The following FAF1 variants were observed in gnomAD, a reference collection of about 807,000 sequenced individuals.
FAF1 encodes the protein Fas associated factor 1.
Under a neutral mutation model 92.5 loss-of-function variants are expected in FAF1, and 25 were observed. The observed-to-expected ratio is 0.27, with a 90% CI of 0.20 to 0.38. The LOEUF is 0.38. Ranked by LOEUF, FAF1 falls within the 10% of genes least tolerant of loss-of-function variation. The pLI is 1.00. For missense variants in FAF1, 636 were observed against 793.3 expected, an observed-to-expected ratio of 0.80 and a Z score of 2.38; for synonymous variants, 234 against 273.2, an observed-to-expected ratio of 0.86 and a Z score of 1.42.
At chr1:50,816,468 T>C (rs1643977396) in intron 2 of FAF1, among the ~76,000 whole-genome samples, 1 of 152,166 alleles carries the variant, frequency 6.6e-6, no homozygotes. Context: ...CCTCCCAAAG[T>C]GCTGGGATTA....
At chr1:50,921,046 A>G (rs1644958905) in intron 1 of FAF1, among the ~76,000 whole-genome samples, 1 of 152,238 alleles carries the variant, frequency 6.6e-6, no homozygotes, top group African/African-American at 2.4e-5. Flanking sequence ...AAAAACCTCT[A>G]GAAGAAATAA....
At chr1:50,568,144 C>T (rs1034606427) in intron 12 of FAF1, among the ~76,000 whole-genome samples, 2 of 152,082 alleles carry the variant, frequency 1.3e-5, no homozygotes, top group African/African-American at 2.4e-5. Context: ...TGACTAACTT[C>T]TTGGTACTAC....
rs1297369412 is a variant in FAF1, at chr1:50,950,012, A to AT, written c.45+9754dup. On this transcript the variant is annotated intron_variant, in intron 1 of 18. Transcript: ENST00000396153. The stretch of plus-strand genomic sequence containing the variant: ...CAGCTAATTTAAAAAAAAAAAATTT[A>AT]TTTTTTTTTGTAGAGACACGATCTT... Among the ~76,000 whole-genome samples, 35 of 151,222 alleles carry AT rather than the reference A, an allele frequency of 2.3e-4. 1 individual carries two copies. The East Asian group carries it at 5.2e-3, about 23-fold the overall frequency.
chr1:50,570,015 T>C (rs1178481250), intron 12 of FAF1, among the ~76,000 whole-genome samples: 1 of 152,176 alleles, frequency 6.6e-6, no homozygotes, highest in Non-Finnish European at 1.5e-5. Context: ...GGATCAACCA[T>C]TCTGCATTTC....
At position 50,583,579 on chromosome 1, in the gene FAF1, T is replaced by C; in HGVS notation, c.1031+73A>G. The C allele has an allele frequency of 2.2e-6, 2 of 911,344 alleles. No homozygotes were observed. Among genetic ancestry groups the C allele is most frequent in the South Asian group, 2.1e-5 (1 of 48,108 alleles). 56.5% of individuals were successfully genotyped at this position (911,344 alleles called of 1,614,324 possible). ...AGGAGAAACTTTAAACAATCTATAATTAAAATTGCCCAAGAAAAATCACAG... is the reference window on the plus strand; with the variant it reads ...AGGAGAAACTTTAAACAATCTATAACTAAAATTGCCCAAGAAAAATCACAG... On this transcript the variant is annotated intron_variant, in intron 11 of 18. Transcript: ENST00000396153. This position sits in a 1 kb window ranked among gnomAD's most constrained non-coding sequence, Gnocchi z 4.2.
At position 50,490,879 on chromosome 1, in the gene FAF1, T is replaced by C. The variant is rs375538850; in HGVS notation, c.1576-214A>G. On this transcript the variant is annotated intron_variant, in intron 16 of 18. Coordinates refer to ENST00000396153, the MANE Select transcript of FAF1 (RefSeq NM_007051.3). ...GCAAAAACAAAGCATAGGTCTCTGA[T>C]AATGTTAGGTTCCTATTCAAATACC... 5.9e-5 allele frequency among the ~76,000 whole-genome samples: 9 copies of C among 152,332 alleles called. No homozygotes were observed. The East Asian group carries it at 1.5e-3, about 26-fold the overall frequency.
intron 1 of FAF1, among the ~76,000 whole-genome samples, chr1:50,890,116 G>C (rs755047604): frequency 1.3e-5 from 2 of 152,140 alleles, no homozygotes; most frequent in Non-Finnish European, 2.9e-5. Context: ...TTACTACTAT[G>C]TAATGGCCCT....
intron 9 of FAF1, among the ~76,000 whole-genome samples, chr1:50,586,415 G>A (rs1176413559): frequency 6.6e-6 from 1 of 152,074 alleles, no homozygotes; most frequent in African/African-American, 2.4e-5. Context: ...AAGTCAAGAT[G>A]TTTCTCATTT....
At chr1:50,614,839 C>CAAA (rs1295301237) in intron 8 of FAF1, among the ~76,000 whole-genome samples, 5 of 46,788 alleles carry the variant, frequency 1.1e-4, no homozygotes, top group African/African-American at 2.3e-4. Context: ...AACTCCGTCT[C>CAAA]AAAAAAAAAA....
chr1:50,582,225 C>A (rs1376709533), intron 12 of FAF1, among the ~76,000 whole-genome samples: 2 of 152,094 alleles, frequency 1.3e-5, no homozygotes, highest in Non-Finnish European at 2.9e-5. Flanking sequence ...AGCACATCCA[C>A]CTTTTTTCCC....
chr1:50,785,343 C>G (rs1661323924), intron 4 of FAF1, among the ~76,000 whole-genome samples: 1 of 151,618 alleles, frequency 6.6e-6, no homozygotes, highest in Non-Finnish European at 1.5e-5. Flanking sequence ...AAAAAGGCAA[C>G]CTACAGAATG....
intron 4 of FAF1, among the ~76,000 whole-genome samples, chr1:50,745,920 A>G (rs1048643039): frequency 6.6e-6 from 1 of 152,062 alleles, no homozygotes; most frequent in Non-Finnish European, 1.5e-5. Context: ...GATGAGGGAA[A>G]ATTAGGAACT....
chr1:50,585,200 G>A (rs2124026771), intron 9 of FAF1, among the ~76,000 whole-genome samples: 1 of 152,274 alleles, frequency 6.6e-6, no homozygotes, highest in Admixed American at 6.5e-5. Context: ...TTTGGCAGGT[G>A]GAGGCAATGG....
intron 13 of FAF1, among the ~76,000 whole-genome samples, chr1:50,551,882 A>C (rs1314916927): frequency 6.6e-6 from 1 of 152,158 alleles, no homozygotes; most frequent in Non-Finnish European, 1.5e-5. Context: ...GAGACAAATA[A>C]AATACTTACA....
At chr1:50,695,342 A>G (rs947349028) in intron 7 of FAF1, among the ~76,000 whole-genome samples, 1 of 152,036 alleles carries the variant, frequency 6.6e-6, no homozygotes, top group African/African-American at 2.4e-5. Flanking sequence ...TGGGAGGTGG[A>G]GGTTGCAGCG....
chr1:50,496,886 T>A (rs1380468974), intron 15 of FAF1, among the ~76,000 whole-genome samples: 2 of 118,368 alleles, frequency 1.7e-5, no homozygotes, highest in Admixed American at 8.0e-5. Context: ...TCAAACTCCA[T>A]CTCAAAAAAA....
chr1:50,788,251 A>G, intron 3 of FAF1, 46 bp from the exon 4 acceptor site: 1 of 1,486,192 alleles, frequency 6.7e-7, no homozygotes. Context: ...CTAAATCATT[A>G]CAGAATACTA....
intron 1 of FAF1, among the ~76,000 whole-genome samples, chr1:50,923,340 G>A (rs1051553237): frequency 3.9e-5 from 6 of 152,128 alleles, no homozygotes; most frequent in African/African-American, 1.4e-4. Context: ...CTTGACTCTA[G>A]GAGTTTGAGG....
intron 4 of FAF1, among the ~76,000 whole-genome samples, chr1:50,749,546 G>A (rs1228582065): frequency 6.6e-6 from 1 of 152,186 alleles, no homozygotes; most frequent in Non-Finnish European, 1.5e-5. Flanking sequence ...AGCACTTTGG[G>A]AAGCCAAGGT....
Sources: allele counts gnomAD v4.1 joint callset (sites outside exome capture counted in the v4.1 genomes callset), GRCh38; gene constraint gnomAD v4.1.1; non-coding constraint Gnocchi (gnomAD v3.1); transcripts MANE v1.5; gene names NCBI Gene and HGNC (gene_info 2026-07-23, HGNC 2026-07-21).